WNT5A: variants seen among roughly 807,000 people sequenced by gnomAD.
WNT5A encodes the protein protein Wnt-5a.
A neutral mutation model predicts 42.1 loss-of-function variants in WNT5A; 9 were observed. That is an observed-to-expected ratio of 0.21 (90% CI 0.13 to 0.37). The LOEUF is 0.37. WNT5A is among the 10% of genes least tolerant of loss of function. The pLI is 1.00. For synonymous variants in WNT5A, 210 were observed against 210.0 expected (o/e 1.00, Z 0.00); for missense variants, 426 against 534.0 (o/e 0.80, Z 1.99).
chr3:55,498,231 C>T, the WNT5A span, among the ~76,000 whole-genome samples: 4 of 152,150 alleles, frequency 2.6e-5, no homozygotes, highest in African/African-American at 9.7e-5. Context: ...CATGTTCATA[C>T]CTTTGAACGG....
At chr3:55,481,122 T>C (rs974292945) in intron 1 of WNT5A, 17 of 694,724 alleles carry the variant, frequency 2.4e-5, no homozygotes, top group Admixed American at 4.3e-5. Flanking sequence ...GGAAATCTGA[T>C]TTCGCTGGGA....
At chr3:55,497,151 G>A in the WNT5A span, among the ~76,000 whole-genome samples, 15 of 152,212 alleles carry the variant, frequency 9.9e-5, no homozygotes, top group African/African-American at 3.6e-4. Flanking sequence ...ACAGGATCTA[G>A]AAGACAGTCC....
chr3:55,473,577 G>T (rs1370924171), intron 4 of WNT5A, among the ~76,000 whole-genome samples: 1 of 152,212 alleles, frequency 6.6e-6, no homozygotes, highest in Non-Finnish European at 1.5e-5. Context: ...TCCTCCCTGG[G>T]TACTTCTGCT....
chr3:55,489,897 C>T (rs1007009912), upstream of WNT5A: 1 of 152,392 alleles, frequency 6.6e-6, no homozygotes, highest in African/African-American at 2.4e-5. Flanking sequence ...GGCTGCGTCC[C>T]TCCGCCCTTC....
Position 55,479,476 on chromosome 3 carries a change from G to C in WNT5A, c.229C>G (p.Gln77Glu). 6.2e-7 allele frequency: 1 copy of C among 1,613,976 alleles called. No homozygotes were observed. Among genetic ancestry groups the C allele is most frequent in the Non-Finnish European group, 8.5e-7 (1 of 1,179,892 alleles). The change falls in exon 3 of 5, where the codon CAA (glutamine) becomes GAA (glutamate). Residue 77 changes from glutamine (Q) to glutamate (E), a missense_variant. By Grantham distance (29) the Gln-to-Glu change is conservative. Transcript: ENST00000264634. ...PLCSQLAGLS[Q>E]GQKKLCHLYQ... ...AAGTGGCACAGTTTCTTCTGTCCTT[G>C]AGAAAGTCCTGCCAGTTGGCTGCAG... is the stretch of plus-strand genomic sequence containing the variant.
rs368581342 is a variant in WNT5A at position 55,468,138 on chromosome 3, T to TTA, written c.*1953_*1954insTA. On this transcript the variant is annotated 3_prime_UTR_variant, in exon 5 of 5. Transcript: ENST00000264634. Reference sequence around the variant, plus strand: ...ACTGTTTGGAAAGAGGTGTCCTTATTAAAAAAAAAAAAAAAAAAGCTATCT... The same window carrying TTA: ...ACTGTTTGGAAAGAGGTGTCCTTATTTAAAAAAAAAAAAAAAAAAAGCTATCT... 3 of 133,990 alleles carry TTA rather than the reference T, an allele frequency of 2.2e-5. No individual in the cohort carries two copies. In the Admixed American group the frequency reaches 2.3e-4, roughly 10 times the overall value. The allele number at this position is 133,990 out of a possible 1,614,324, so 8.3% of individuals were successfully genotyped here.
At position 55,473,985 on chromosome 3, in the gene WNT5A, G is replaced by A. The variant is rs976664879; in HGVS notation, c.684+352C>T. Among the ~76,000 whole-genome samples, 4 of 152,188 alleles carry A rather than the reference G, an allele frequency of 2.6e-5. No homozygotes were observed. In the East Asian group the frequency reaches 7.7e-4, roughly 29 times the overall value. On this transcript the variant is annotated intron_variant, in intron 4 of 4. Transcript: ENST00000264634. Reference sequence around the variant, plus strand: ...AACTGCTGGTTCACCTTGGCTGGGGGCGAAAGGGAGGATGATCCGCCCAGG... The same window carrying A: ...AACTGCTGGTTCACCTTGGCTGGGGACGAAAGGGAGGATGATCCGCCCAGG...
chr3:55,484,263 G>A (rs2051528749), intron 1 of WNT5A, among the ~76,000 whole-genome samples: 1 of 152,186 alleles, frequency 6.6e-6, no homozygotes. Flanking sequence ...AAACTAGCAG[G>A]AGAGCACTCA....
chr3:55,490,819 A>T (rs1268951165), upstream of WNT5A, among the ~76,000 whole-genome samples: 1 of 152,224 alleles, frequency 6.6e-6, no homozygotes, highest in Non-Finnish European at 1.5e-5. Context: ...GCATTTGGTT[A>T]CTGGGTATTT....
chr3:55,491,105 G>A (rs1160856938), upstream of WNT5A, among the ~76,000 whole-genome samples: 3 of 152,128 alleles, frequency 2.0e-5, no homozygotes, highest in Non-Finnish European at 2.9e-5. Context: ...ACGAATGGGC[G>A]AATGGATGAA....
At chr3:55,484,294 A>ACGTCCTGCCCTGGAGAATGCGGGGAG (rs2051529277) in intron 1 of WNT5A, among the ~76,000 whole-genome samples, 1 of 152,156 alleles carries the variant, frequency 6.6e-6, no homozygotes, top group African/African-American at 2.4e-5. Context: ...AAAACTTGGG[A>ACGTCCTGCCCTGGAGAATGCGGGGAG]CGTCCTGCCC....
At chr3:55,504,758 C>G in the WNT5A span, among the ~76,000 whole-genome samples, 2 of 152,204 alleles carry the variant, frequency 1.3e-5, no homozygotes, top group Non-Finnish European at 2.9e-5. Context: ...GCCACTGTGC[C>G]CGGCCTAGGC....
chr3:55,482,454 C>T (rs2051486595), intron 1 of WNT5A, among the ~76,000 whole-genome samples: 1 of 152,192 alleles, frequency 6.6e-6, no homozygotes, highest in African/African-American at 2.4e-5. Flanking sequence ...AAAGGTGAGC[C>T]TCTTTAAGGC....
chr3:55,481,519 A>ATCTC (rs2051464347), intron 1 of WNT5A: 1 of 480,616 alleles, frequency 2.1e-6, no homozygotes, highest in South Asian at 8.9e-5. Flanking sequence ...CCAGCGCGCG[A>ATCTC]GAGTGCCCAG....
the WNT5A span, among the ~76,000 whole-genome samples, chr3:55,504,540 C>T: frequency 2.0e-5 from 3 of 151,870 alleles, no homozygotes; most frequent in Non-Finnish European, 4.4e-5. Flanking sequence ...ATCGGCTCAC[C>T]GCAACCTCTG....
chr3:55,479,703 A>C, intron 2 of WNT5A, 139 bp from the exon 3 acceptor site: 1 of 1,244,186 alleles, frequency 8.0e-7, no homozygotes, highest in Non-Finnish European at 1.1e-6. Context: ...AAGTATGAGA[A>C]GGGCTTCATA....
intron 1 of WNT5A, among the ~76,000 whole-genome samples, chr3:55,486,366 G>GC (rs1169015336): frequency 6.6e-6 from 1 of 152,152 alleles, no homozygotes; most frequent in Non-Finnish European, 1.5e-5. Flanking sequence ...GTGCGCGCTG[G>GC]CCCCCCGCCA....
At chr3:55,478,584 T>C (rs2051398609) in intron 3 of WNT5A, among the ~76,000 whole-genome samples, 2 of 152,200 alleles carry the variant, frequency 1.3e-5, no homozygotes, top group South Asian at 4.1e-4. Context: ...ATCTTTGCCT[T>C]TAGCCCATTT....
chr3:55,470,585 C>T, intron 4 of WNT5A, 35 bp from the exon 5 acceptor site: 3 of 1,464,224 alleles, frequency 2.0e-6, no homozygotes, highest in Admixed American at 2.3e-5. Context: ...TACACACATT[C>T]ATGGAGGAGC....
Sources: allele counts gnomAD v4.1 joint callset (sites outside exome capture counted in the v4.1 genomes callset), GRCh38; gene constraint gnomAD v4.1.1; transcripts MANE v1.5; gene names NCBI Gene and HGNC (gene_info 2026-07-23, HGNC 2026-07-21).